The following COMMD8 variants were observed in gnomAD, a reference collection of about 807,000 sequenced individuals.
The protein encoded by COMMD8 is COMM domain-containing protein 8.
Under a neutral mutation model 27.2 loss-of-function variants are expected in COMMD8, and 28 were observed. The ratio of observed to expected loss-of-function variants is 1.03; its 90% CI spans 0.76 to 1.41. COMMD8 has a LOEUF of 1.41. Among genes scored for constraint, COMMD8 ranks in the 40% most tolerant of loss-of-function variants. The pLI, the probability that COMMD8 is intolerant of heterozygous loss-of-function variation, is 0.00. For missense variants in COMMD8, 217 were observed against 211.2 expected (o/e 1.03, Z -0.17); for synonymous variants, 79 against 75.5 (o/e 1.05, Z -0.24).
At chr4:47,453,836 T>G (rs1321443339) in intron 3 of COMMD8, among the ~76,000 whole-genome samples, 1 of 152,172 alleles carries the variant, frequency 6.6e-6, no homozygotes, top group East Asian at 1.9e-4. Flanking sequence ...GCAGACAGCA[T>G]AGGGAAACTC....
chr4:47,462,413 G>A (rs1047628722), intron 1 of COMMD8, among the ~76,000 whole-genome samples: 1 of 152,120 alleles, frequency 6.6e-6, no homozygotes, highest in African/African-American at 2.4e-5. Flanking sequence ...TGAGGCTACG[G>A]GAGGAGTAGG....
intron 3 of COMMD8, among the ~76,000 whole-genome samples, chr4:47,455,651 C>A (rs1302782469): frequency 6.6e-6 from 1 of 152,034 alleles, no homozygotes; most frequent in African/African-American, 2.4e-5. Context: ...ATTATGAACC[C>A]ACCTGTTATC....
intron 4 of COMMD8, among the ~76,000 whole-genome samples, chr4:47,452,410 A>C (rs1729774974): frequency 6.6e-6 from 1 of 152,170 alleles, no homozygotes; most frequent in Non-Finnish European, 1.5e-5. Flanking sequence ...TAATTTTTTT[A>C]ATCATAAAAA....
At chr4:47,456,262 T>TTATATATATA (rs1553886649) in intron 3 of COMMD8, among the ~76,000 whole-genome samples, 7 of 80,848 alleles carry the variant, frequency 8.7e-5, no homozygotes, top group African/African-American at 2.4e-4. Flanking sequence ...AATAAATAAA[T>TTATATATATA]TATACATATA....
In COMMD8 at chr4:47,451,576, C is replaced by T. The variant is rs1013133612; in HGVS notation, c.*69G>A. 6.7e-5 allele frequency: 79 copies of T among 1,185,830 alleles called. No homozygotes were observed. The highest frequency in any genetic ancestry group is 1.2e-4 in the South Asian group (10 of 81,214). 73.5% of individuals were successfully genotyped at this position (1,185,830 alleles called of 1,614,324 possible). ...CAAGACATCACAAGGTTTCTGAACACGCAGTATTCACTCTGCCATATAAGT... is the reference window on the plus strand; with the variant it reads ...CAAGACATCACAAGGTTTCTGAACATGCAGTATTCACTCTGCCATATAAGT... On this transcript the variant is annotated 3_prime_UTR_variant, in exon 5 of 5. Coordinates refer to ENST00000381571, the MANE Select transcript of COMMD8 (RefSeq NM_017845.5).
intron 3 of COMMD8, among the ~76,000 whole-genome samples, chr4:47,453,489 G>C (rs923566218): frequency 1.3e-5 from 2 of 152,112 alleles, no homozygotes; most frequent in Non-Finnish European, 2.9e-5. Flanking sequence ...GTCATGCCTG[G>C]GAAGTACTGA....
Position 47,463,646 on chromosome 4 carries a change from C to G in COMMD8, c.6G>C (p.Glu2Asp), listed in dbSNP as rs1730136832. The G allele has an allele frequency of 1.9e-6, 3 of 1,549,096 alleles. No individual in the cohort carries two copies. The highest frequency in any genetic ancestry group is 2.6e-6 in the Non-Finnish European group (3 of 1,146,250). M[E>D]PEEGTPLWRL... Reference sequence around the variant, plus strand: ...GCCACAAGGGCGTCCCCTCTTCCGGCTCCATCCCTGCGCGAAGCTGGGGCT... The same window carrying G: ...GCCACAAGGGCGTCCCCTCTTCCGGGTCCATCCCTGCGCGAAGCTGGGGCT... The change falls in exon 1 of 5, where the codon GAG becomes GAC. Residue 2 changes from glutamate to aspartate, a missense_variant. Coordinates refer to ENST00000381571, the MANE Select transcript of COMMD8 (RefSeq NM_017845.5).
At chr4:47,454,107 C>T (rs1039896792) in intron 3 of COMMD8, among the ~76,000 whole-genome samples, 30 of 152,302 alleles carry the variant, frequency 2.0e-4, no homozygotes, top group African/African-American at 7.0e-4. Context: ...AATTCTCCTC[C>T]TCAATATTTC....
Position 47,451,042 on chromosome 4 carries a change from C to G in COMMD8, c.*603G>C, listed in dbSNP as rs1729739240. ...TTTTCTGTATTCTTGATTTTAGTTT[C>G]TAGAATTCATAAACTCAAAACTGTT... On this transcript the variant is annotated 3_prime_UTR_variant, in exon 5 of 5. Coordinates refer to ENST00000381571, the MANE Select transcript of COMMD8 (RefSeq NM_017845.5). 6.6e-6 allele frequency: 1 copy of G among 152,064 alleles called. No individual in the cohort carries two copies. The highest frequency in any genetic ancestry group is 2.1e-4 in the South Asian group (1 of 4,824). The allele number at this position is 152,064 out of a possible 1,614,324, so 9.4% of individuals were successfully genotyped here.
intron 2 of COMMD8, among the ~76,000 whole-genome samples, chr4:47,457,263 C>T (rs756808090): frequency 6.6e-6 from 1 of 152,068 alleles, no homozygotes; most frequent in South Asian, 2.1e-4. Flanking sequence ...AAATAGAGAA[C>T]GACAGTAAAA....
intron 2 of COMMD8, among the ~76,000 whole-genome samples, chr4:47,457,394 C>T (rs952667900): frequency 6.6e-6 from 1 of 151,944 alleles, no homozygotes; most frequent in African/African-American, 2.4e-5. Flanking sequence ...TCCACATTCA[C>T]AGTTAGAGGT....
At position 47,463,692 on chromosome 4, in the gene COMMD8, GC is replaced by G; in HGVS notation, c.-42del. On this transcript the variant is annotated 5_prime_UTR_variant, in exon 1 of 5. Transcript: ENST00000381571. Reference sequence around the variant, plus strand: ...GGGCTTGGGTCACGTGTCAAGGCTGGCCGCTTGTCTAAAGCTACGACTCGCC... The same window carrying G: ...GGGCTTGGGTCACGTGTCAAGGCTGGCGCTTGTCTAAAGCTACGACTCGCC... 1 of 1,521,652 alleles carries G rather than the reference GC, an allele frequency of 6.6e-7. No homozygotes were observed. Among genetic ancestry groups the G allele is most frequent in the Non-Finnish European group, 8.8e-7 (1 of 1,130,262 alleles). The allele number at this position is 1,521,652 out of a possible 1,614,324, so 94.3% of individuals were successfully genotyped here.
In COMMD8 at chr4:47,452,883, C is replaced by T. The variant is rs375680253; in HGVS notation, c.531+176G>A. ...TGGTGGCAGGCATCTGTAATCTCAG[C>T]TAGTCTGGAGGCTCAGGCACGAGAA... On this transcript the variant is annotated intron_variant, in intron 4 of 4. Transcript: ENST00000381571. Among the ~76,000 whole-genome samples the T allele has an allele frequency of 1.6e-4, 25 of 152,292 alleles. No homozygotes were observed. In the East Asian group the frequency reaches 2.1e-3, roughly 13 times the overall value.
chr4:47,463,209 C>G (rs1351672788), intron 1 of COMMD8, among the ~76,000 whole-genome samples: 1 of 152,182 alleles, frequency 6.6e-6, no homozygotes, highest in Non-Finnish European at 1.5e-5. Context: ...GTCTTTGTCA[C>G]ATTGTATTCC....
chr4:47,463,505 G>C (rs978103099), intron 1 of COMMD8, 81 bp downstream of exon 1: 4 of 1,369,916 alleles, frequency 2.9e-6, no homozygotes, highest in African/African-American at 2.9e-5. Flanking sequence ...GAAGGCGTCC[G>C]GGTCGCACCC....
chr4:47,455,418 T>C (rs1729862518), intron 3 of COMMD8, among the ~76,000 whole-genome samples: 1 of 150,400 alleles, frequency 6.6e-6, no homozygotes, highest in Admixed American at 6.6e-5. Context: ...GGTTGCCTGA[T>C]TAATTTATTT....
At chr4:47,453,352 T>A (rs2109353257) in intron 3 of COMMD8, 138 bp from the exon 4 acceptor site, 1 of 635,688 alleles carries the variant, frequency 1.6e-6, no homozygotes, top group South Asian at 2.3e-5. Context: ...AGAAATAAAT[T>A]AAGTCCATGC....
At position 47,450,986 on chromosome 4, in the gene COMMD8, T is replaced by C. The variant is rs1276319425; in HGVS notation, c.*659A>G. The stretch of plus-strand genomic sequence containing the variant: ...TTATCAGAGCAATGTTTCCCAAACA[T>C]AGAAGCGCAGAAGTAAAATGTTATT... On this transcript the variant is annotated 3_prime_UTR_variant, in exon 5 of 5. Coordinates refer to ENST00000381571, the MANE Select transcript of COMMD8 (RefSeq NM_017845.5). 1.3e-5 allele frequency: 2 copies of C among 152,332 alleles called. No individual in the cohort carries two copies. The highest frequency in any genetic ancestry group is 2.4e-5 in the African/African-American group (1 of 41,470). The allele number at this position is 152,332 out of a possible 1,614,324, so 9.4% of individuals were successfully genotyped here. A position where few individuals can be genotyped will look rare whatever the true frequency, so the allele number is the denominator to read the frequency against.
intron 1 of COMMD8, 85 bp downstream of exon 1, chr4:47,463,501 G>A (rs1358264822): frequency 6.7e-6 from 9 of 1,336,758 alleles, no homozygotes; most frequent in East Asian, 2.6e-5. Flanking sequence ...TTGCGAAGGC[G>A]TCCGGGTCGC....
Sources: gnomAD v4.1 joint callset for allele counts (sites outside exome capture counted in the v4.1 genomes callset) on GRCh38, gnomAD v4.1.1 for gene constraint, MANE v1.5 for transcripts, NCBI Gene and HGNC (gene_info 2026-07-23, HGNC 2026-07-21) for gene names.